The following MOSMO variants were observed in gnomAD, a reference collection of about 807,000 sequenced individuals.
MOSMO encodes the protein modulator of smoothened.
A neutral mutation model predicts 18.4 loss-of-function variants in MOSMO; 5 were observed. That is an observed-to-expected ratio of 0.27 (90% CI 0.14 to 0.57). The LOEUF (loss-of-function observed/expected upper bound fraction) is 0.57. Ranked by LOEUF, MOSMO falls within the 20% of genes least tolerant of loss-of-function variation. MOSMO has a pLI of 0.92. For missense variants in MOSMO, 138 were observed against 211.8 expected (o/e 0.65, Z 2.16); for synonymous variants, 82 against 82.3 (o/e 1.00, Z 0.02).
chr16:22,070,119 C>T (rs1475755917), intron 1 of MOSMO, among the ~76,000 whole-genome samples: 4 of 152,090 alleles, frequency 2.6e-5, no homozygotes, highest in African/African-American at 4.8e-5. Context: ...ATAATAGAGA[C>T]TGATACCTAC....
At chr16:22,060,133 C>T (rs1187077714) in intron 1 of MOSMO, among the ~76,000 whole-genome samples, 3 of 152,120 alleles carry the variant, frequency 2.0e-5, no homozygotes, top group South Asian at 4.1e-4. Flanking sequence ...GCCGAGATTG[C>T]GCCACTGCAC....
At chr16:22,028,776 A>G (rs1041905580) in intron 1 of MOSMO, among the ~76,000 whole-genome samples, 2 of 152,122 alleles carry the variant, frequency 1.3e-5, no homozygotes, top group Non-Finnish European at 2.9e-5. Flanking sequence ...ATGTTCTCCC[A>G]TGTTTATACT....
intron 1 of MOSMO, among the ~76,000 whole-genome samples, chr16:22,054,110 T>C (rs765598940): frequency 2.6e-5 from 4 of 151,866 alleles, no homozygotes; most frequent in Non-Finnish European, 5.9e-5. Flanking sequence ...TTTTGTTTCA[T>C]TTTGAGCCAA....
chr16:22,010,593 A>G (rs2066287203), intron 1 of MOSMO, among the ~76,000 whole-genome samples: 1 of 152,200 alleles, frequency 6.6e-6, no homozygotes, highest in African/African-American at 2.4e-5. Flanking sequence ...AAAAGAGAAG[A>G]AAGATAAGTG....
At chr16:22,085,536 T>A (rs1295788881), downstream of MOSMO, 1 of 152,146 alleles carries the variant, frequency 6.6e-6, no homozygotes, top group Non-Finnish European at 1.5e-5. Context: ...GAGGGGACAC[T>A]TTTTCTATTT....
At chr16:22,018,467 A>G (rs893783101) in intron 1 of MOSMO, among the ~76,000 whole-genome samples, 8 of 152,208 alleles carry the variant, frequency 5.3e-5, no homozygotes, top group Admixed American at 3.3e-4. Flanking sequence ...AGATATGACC[A>G]TTTGATTTAT....
At chr16:22,053,229 C>G (rs1049841721) in intron 1 of MOSMO, among the ~76,000 whole-genome samples, 1 of 151,862 alleles carries the variant, frequency 6.6e-6, no homozygotes, top group Non-Finnish European at 1.5e-5. Flanking sequence ...TCCCAACGTG[C>G]TGGGATTACA....
intron 1 of MOSMO, chr16:22,064,463 T>C (rs1339303632): frequency 2.2e-6 from 1 of 453,834 alleles, no homozygotes; most frequent in Admixed American, 2.4e-5. Flanking sequence ...ATGGAATTCT[T>C]CCATGGGAGT....
Position 22,080,823 on chromosome 16 carries a change from A to T in MOSMO, c.447A>T (p.Ser149=). Residue 149 remains serine, a synonymous_variant, in exon 3 of 3, where the codon TCA becomes TCT. Transcript: ENST00000542527. ...VGSSYVLFVL[S]IFFTIVGLLF... is the part of the protein sequence containing the mutation. ...CATCATATGTACTTTTTGTCTTATC[A>T]ATTTTCTTTACAATAGTAGGACTTC... 1.4e-6 allele frequency: 2 copies of T among 1,476,416 alleles called. No individual in the cohort carries two copies. Among genetic ancestry groups the T allele is most frequent in the Non-Finnish European group, 1.8e-6 (2 of 1,120,848 alleles). The allele number at this position is 1,476,416 out of a possible 1,614,324, so 91.5% of individuals were successfully genotyped here. A position where few individuals can be genotyped will look rare whatever the true frequency, so the allele number is the denominator to read the frequency against.
rs192878598 is a variant in MOSMO, at chr16:22,046,267, T to C, written c.107-29220T>C. 3.3e-5 allele frequency among the ~76,000 whole-genome samples: 5 copies of C among 152,340 alleles called. No individual in the cohort carries two copies. The East Asian group carries it at 9.6e-4, about 29-fold the overall frequency. On this transcript the variant is annotated intron_variant, in intron 1 of 2. Transcript: ENST00000542527. ...TGGTTCTTTTTTGTTTTTTAAACTT[T>C]AGTAATACAGTCGATTCTCATGTGG...
chr16:22,068,624 A>C (rs1331043237), intron 1 of MOSMO, among the ~76,000 whole-genome samples: 1 of 152,188 alleles, frequency 6.6e-6, no homozygotes, highest in Non-Finnish European at 1.5e-5. Context: ...GGAATCATAC[A>C]ATATGTGGTC....
intron 1 of MOSMO, among the ~76,000 whole-genome samples, chr16:22,058,758 T>A (rs1900587453): frequency 6.6e-6 from 1 of 152,186 alleles, no homozygotes; most frequent in Non-Finnish European, 1.5e-5. Flanking sequence ...GAGATGCCTA[T>A]GAGGCATCCA....
At chr16:22,035,640 C>T (rs1339734446) in intron 1 of MOSMO, among the ~76,000 whole-genome samples, 2 of 151,966 alleles carry the variant, frequency 1.3e-5, no homozygotes, top group African/African-American at 2.4e-5. Flanking sequence ...TTGTATCTAC[C>T]TGTTTGTCTT....
chr16:22,058,879 A>G (rs566455714), intron 1 of MOSMO, among the ~76,000 whole-genome samples: 1 of 152,316 alleles, frequency 6.6e-6, no homozygotes, highest in African/African-American at 2.4e-5. Flanking sequence ...GAATCAGTGA[A>G]CCCAGCTGAG....
intron 1 of MOSMO, among the ~76,000 whole-genome samples, chr16:22,043,181 T>C (rs1246184643): frequency 1.3e-5 from 2 of 152,204 alleles, no homozygotes; most frequent in African/African-American, 4.8e-5. Context: ...TTCTGTGATC[T>C]TTTAACTGTC....
chr16:22,052,607 A>G (rs913974944), intron 1 of MOSMO, among the ~76,000 whole-genome samples: 9 of 152,214 alleles, frequency 5.9e-5, no homozygotes, highest in Non-Finnish European at 8.8e-5. Flanking sequence ...ACTTCTAGAA[A>G]TCTGTGTCCA....
chr16:22,050,567 C>T (rs1027080533), intron 1 of MOSMO, among the ~76,000 whole-genome samples: 80 of 152,186 alleles, frequency 5.3e-4, no homozygotes, highest in African/African-American at 1.9e-3. Context: ...CCAAGACAAC[C>T]CCAGCAACAA....
chr16:22,065,491 A>G (rs1196403558), intron 1 of MOSMO, among the ~76,000 whole-genome samples: 1 of 152,176 alleles, frequency 6.6e-6, no homozygotes, highest in Non-Finnish European at 1.5e-5. Context: ...AAAGTTGAAC[A>G]GGGAAGTAAT....
chr16:22,055,825 G>T (rs1232478640), intron 1 of MOSMO, among the ~76,000 whole-genome samples: 1 of 152,218 alleles, frequency 6.6e-6, no homozygotes, highest in African/African-American at 2.4e-5. Flanking sequence ...AGTAGGTGTT[G>T]CTCACATAGC....
Sources: allele counts gnomAD v4.1 joint callset (sites outside exome capture counted in the v4.1 genomes callset), GRCh38; gene constraint gnomAD v4.1.1; transcripts MANE v1.5; gene names NCBI Gene and HGNC (gene_info 2026-07-23, HGNC 2026-07-21).